The following PXDNL variants were observed in gnomAD, a reference collection of about 807,000 sequenced individuals.
PXDNL encodes the protein probable oxidoreductase PXDNL.
PXDNL carries 145 observed loss-of-function variants against 150.8 expected under a neutral mutation model. The observed-to-expected ratio is 0.96, with a 90% CI of 0.84 to 1.10. PXDNL has a LOEUF of 1.10. Among genes scored for constraint, PXDNL ranks in the 50% least tolerant of loss-of-function variants. The pLI, the probability that PXDNL is intolerant of heterozygous loss-of-function variation, is 0.00. For synonymous variants in PXDNL, 757 were observed against 725.7 expected (o/e 1.04, Z -0.69); for missense variants, 2,087 against 1,873.9 (o/e 1.11, Z -2.10).
At chr8:51,626,002 T>C (rs1585629866) in intron 2 of PXDNL, among the ~76,000 whole-genome samples, 1 of 152,212 alleles carries the variant, frequency 6.6e-6, no homozygotes, top group South Asian at 2.1e-4. Context: ...TTCTTTTACA[T>C]ACAAATGTCT....
At position 51,470,925 on chromosome 8, in the gene PXDNL, G is replaced by C. The variant is rs143990166; in HGVS notation, c.812+1262C>G. Among the ~76,000 whole-genome samples the C allele has an allele frequency of 2.8e-4, 42 of 151,964 alleles. No homozygotes were observed. The East Asian group carries it at 8.1e-3, about 29-fold the overall frequency. Reference sequence around the variant, plus strand: ...AATACCATTCAGGACATAGGCACGGGCAAAGGCTTCATGACGAAAACATGA... The same window carrying C: ...AATACCATTCAGGACATAGGCACGGCCAAAGGCTTCATGACGAAAACATGA... On this transcript the variant is annotated intron_variant, in intron 8 of 22. Transcript: ENST00000356297.
chr8:51,526,191 G>A lies in PXDNL; in HGVS notation c.381-26421C>T, dbSNP rs540721184. The stretch of plus-strand genomic sequence containing the variant: ...ACAGGTGGACGCATTCTTGGTCTCT[G>A]CAGCTGGGCATGGGGCTGGCGAGGC... On this transcript the variant is annotated intron_variant, in intron 4 of 22. Transcript: ENST00000356297. Among the ~76,000 whole-genome samples the A allele has an allele frequency of 4.8e-4, 73 of 152,330 alleles. No homozygotes were observed. In the South Asian group the frequency reaches 6.2e-3, roughly 13 times the overall value.
At chr8:51,627,887 A>G (rs1191449223) in intron 2 of PXDNL, among the ~76,000 whole-genome samples, 1 of 152,176 alleles carries the variant, frequency 6.6e-6, no homozygotes, top group Non-Finnish European at 1.5e-5. Flanking sequence ...TCTGGGGCCT[A>G]CCTAAAAGAC....
intron 3 of PXDNL, among the ~76,000 whole-genome samples, chr8:51,557,604 T>A (rs1323865242): frequency 1.3e-5 from 2 of 152,128 alleles, no homozygotes; most frequent in Non-Finnish European, 2.9e-5. Context: ...TTTGAGACAA[T>A]CAGAATTCCT....
chr8:51,704,792 C>T (rs1475036253), intron 1 of PXDNL, among the ~76,000 whole-genome samples: 1 of 152,060 alleles, frequency 6.6e-6, no homozygotes, highest in Non-Finnish European at 1.5e-5. Flanking sequence ...ACATAAAATG[C>T]CTTTTGTATT....
chr8:51,518,958 G>A (rs1466548261), intron 4 of PXDNL, among the ~76,000 whole-genome samples: 1 of 152,090 alleles, frequency 6.6e-6, no homozygotes, highest in African/African-American at 2.4e-5. Context: ...AAAGACAAAA[G>A]GGACAGGAAA....
At chr8:51,429,684 TTTC>T (rs1349518317) in intron 12 of PXDNL, among the ~76,000 whole-genome samples, 1 of 138,682 alleles carries the variant, frequency 7.2e-6, no homozygotes, top group Non-Finnish European at 1.5e-5. Flanking sequence ...CTTTTTTTCC[TTTC>T]TTTTTTTTTT....
intron 5 of PXDNL, among the ~76,000 whole-genome samples, chr8:51,492,233 A>G (rs1810912127): frequency 6.6e-6 from 1 of 152,204 alleles, no homozygotes. Context: ...TAGCTATGTA[A>G]TTCTGCATTT....
At chr8:51,625,916 C>G (rs1379578905) in intron 2 of PXDNL, among the ~76,000 whole-genome samples, 1 of 152,120 alleles carries the variant, frequency 6.6e-6, no homozygotes, top group Non-Finnish European at 1.5e-5. Context: ...AGTTTGCCTT[C>G]GACTATCTTA....
rs764147662 is a variant in PXDNL at position 51,644,141 on chromosome 8, A to AT, written c.236+10547dup. Among the ~76,000 whole-genome samples the AT allele has an allele frequency of 5.0e-4, 76 of 151,258 alleles. 1 individual carries two copies. Among genetic ancestry groups the AT allele is most frequent in the African/African-American group, 1.2e-3 (49 of 41,336 alleles). On this transcript the variant is annotated intron_variant, in intron 2 of 22. Transcript: ENST00000356297. ...AGCCTGGGCAACAGCGTGAGACTCCATCTCAAAAAAATAAATAAATAAATA... is the reference window on the plus strand; with the variant it reads ...AGCCTGGGCAACAGCGTGAGACTCCATTCTCAAAAAAATAAATAAATAAATA...
At chr8:51,514,861 A>G (rs1655756780) in intron 4 of PXDNL, among the ~76,000 whole-genome samples, 1 of 152,222 alleles carries the variant, frequency 6.6e-6, no homozygotes, top group Admixed American at 6.5e-5. Context: ...GGCATTTGAG[A>G]CAAGCCAATG....
intron 8 of PXDNL, among the ~76,000 whole-genome samples, chr8:51,461,938 A>T (rs1810095011): frequency 6.6e-6 from 1 of 152,210 alleles, no homozygotes; most frequent in South Asian, 2.1e-4. Flanking sequence ...CTTAAGCACC[A>T]TCTACTCAAT....
chr8:51,496,725 T>G (rs1481608169), intron 5 of PXDNL, among the ~76,000 whole-genome samples: 1 of 152,106 alleles, frequency 6.6e-6, no homozygotes, highest in Non-Finnish European at 1.5e-5. Context: ...GAATCCAACT[T>G]GCAAGGGACG....
chr8:51,533,608 C>T (rs1194769582), intron 4 of PXDNL, among the ~76,000 whole-genome samples: 1 of 150,440 alleles, frequency 6.6e-6, no homozygotes, highest in East Asian at 2.0e-4. Context: ...ATTCTCCTGC[C>T]TCAGCCTGCC....
At chr8:51,435,652 G>T in intron 12 of PXDNL, 1 of 212,170 alleles carries the variant, frequency 4.7e-6, no homozygotes, top group South Asian at 8.4e-5. Flanking sequence ...TTCAGGCGAA[G>T]AACCCAGAAA....
At chr8:51,724,752 G>A (rs1816792335) in intron 1 of PXDNL, among the ~76,000 whole-genome samples, 4 of 152,150 alleles carry the variant, frequency 2.6e-5, no homozygotes. Context: ...TAGTCTGAAA[G>A]CTCTCAGCTC....
rs1807048465 is a variant in PXDNL, at chr8:51,369,973, C to A, written c.3901+1900G>T. Among the ~76,000 whole-genome samples, 3 of 152,256 alleles carry A rather than the reference C, an allele frequency of 2.0e-5. No homozygotes were observed. In the South Asian group the frequency reaches 6.2e-4, roughly 32 times the overall value. On this transcript the variant is annotated intron_variant, in intron 19 of 22. Coordinates refer to ENST00000356297, the MANE Select transcript of PXDNL (RefSeq NM_144651.5). ...GGGGGAGGGCAGCAGAGGAACTGCC[C>A]TTGGTGGGGGCCTGCTCACTGTCTC...
At chr8:51,721,011 G>A (rs73580301) in intron 1 of PXDNL, among the ~76,000 whole-genome samples, 5,534 of 152,282 alleles carry the variant, frequency 0.036, 323 homozygotes, top group African/African-American at 0.12. Flanking sequence ...CTTCCAGATA[G>A]TGACAGGGAC....
At chr8:51,654,852 G>T in intron 1 of PXDNL, 92 bp from the exon 2 acceptor site, 1 of 924,982 alleles carries the variant, frequency 1.1e-6, no homozygotes, top group South Asian at 1.4e-5. Context: ...CTCCTTTTAT[G>T]ATCAAACATA....
Sources: gnomAD v4.1 joint callset for allele counts (sites outside exome capture counted in the v4.1 genomes callset) on GRCh38, gnomAD v4.1.1 for gene constraint, MANE v1.5 for transcripts, NCBI Gene and HGNC (gene_info 2026-07-23, HGNC 2026-07-21) for gene names.